AASDHPPT: variants seen among roughly 807,000 people sequenced by gnomAD.
AASDHPPT encodes aminoadipate-semialdehyde dehydrogenase-phosphopantetheinyl transferase, also known as L-aminoadipate-semialdehyde dehydrogenase-phosphopantetheinyl transferase.
In AASDHPPT, 23 loss-of-function variants were observed where a neutral mutation model predicts 36.4. That is an observed-to-expected ratio of 0.63 (90% confidence interval 0.45 to 0.89). The LOEUF is 0.89. Ranked by LOEUF, AASDHPPT falls within the 40% of genes least tolerant of loss-of-function variation. AASDHPPT has a pLI of 0.00. For missense variants in AASDHPPT, 377 were observed against 378.2 expected, an observed-to-expected ratio of 1.00 and a Z score of 0.03; for synonymous variants, 115 against 128.0, an observed-to-expected ratio of 0.90 and a Z score of 0.68.
At chr11:106,084,879 T>C (rs1861181671) in intron 2 of AASDHPPT, among the ~76,000 whole-genome samples, 1 of 152,154 alleles carries the variant, frequency 6.6e-6, no homozygotes, top group South Asian at 2.1e-4. Context: ...CCTCCCAAAG[T>C]GCTGGGATTA....
intron 1 of AASDHPPT, 60 bp downstream of exon 1, chr11:106,077,953 CG>C: frequency 1.3e-6 from 2 of 1,557,974 alleles, no homozygotes; most frequent in Non-Finnish European, 1.7e-6. Context: ...GGAGGCGGGC[CG>C]GGCTGTGGAG....
At chr11:106,089,567 TA>T (rs1364930913) in intron 2 of AASDHPPT, 2 of 152,072 alleles carry the variant, frequency 1.3e-5, no homozygotes, top group Admixed American at 1.3e-4. Context: ...GCTGTAAGTA[TA>T]AAAGGCAAGA....
chr11:106,081,166 T>C (rs891693413), intron 2 of AASDHPPT, among the ~76,000 whole-genome samples: 5 of 152,238 alleles, frequency 3.3e-5, no homozygotes, highest in African/African-American at 1.2e-4. Flanking sequence ...TGTTAGAGTA[T>C]AGGCTTCAGT....
Position 106,077,722 on chromosome 11 carries a change from T to G in AASDHPPT, c.12T>G (p.Pro4=). Residue 4 remains proline, a synonymous_variant, in exon 1 of 6, where the codon CCT becomes CCG. Transcript: ENST00000278618. ...TCCGCTTTCAGTGTATGGTTTTCCC[T>G]GCCAAACGGTTCTGCTTGGTGCCAT... MVF[P]AKRFCLVPSM... 1 of 1,613,772 alleles carries G rather than the reference T, an allele frequency of 6.2e-7. No individual in the cohort carries two copies. Among genetic ancestry groups the G allele is most frequent in the Non-Finnish European group, 8.5e-7 (1 of 1,179,740 alleles).
intron 5 of AASDHPPT, 32 bp downstream of exon 5, chr11:106,094,686 T>C (rs1430402862): frequency 5.3e-6 from 8 of 1,514,590 alleles, no homozygotes; most frequent in Admixed American, 1.9e-5. Context: ...TTTTTCTAAA[T>C]AGCATGAATC....
intron 4 of AASDHPPT, 52 bp from the exon 5 acceptor site, chr11:106,094,531 A>G: frequency 1.5e-6 from 2 of 1,336,272 alleles, no homozygotes. Flanking sequence ...ACAAAGTTAC[A>G]TCTAGGTTTA....
chr11:106,081,873 G>A (rs1861145082), intron 2 of AASDHPPT, among the ~76,000 whole-genome samples: 2 of 151,958 alleles, frequency 1.3e-5, no homozygotes, highest in African/African-American at 2.4e-5. Flanking sequence ...GGGGGAAGGG[G>A]GGAGGGATAG....
At chr11:106,078,523 CTG>C (rs1371087745) in intron 1 of AASDHPPT, among the ~76,000 whole-genome samples, 1 of 152,186 alleles carries the variant, frequency 6.6e-6, no homozygotes, top group Non-Finnish European at 1.5e-5. Flanking sequence ...AACAAGTAAT[CTG>C]TACAATATGG....
At chr11:106,090,072 A>G (rs1861239858) in intron 2 of AASDHPPT, among the ~76,000 whole-genome samples, 1 of 152,042 alleles carries the variant, frequency 6.6e-6, no homozygotes, top group Non-Finnish European at 1.5e-5. Context: ...CAAAAATTGT[A>G]ATAAAAGAAT....
intron 2 of AASDHPPT, among the ~76,000 whole-genome samples, chr11:106,080,283 A>G (rs550388049): frequency 3.3e-5 from 5 of 152,282 alleles, no homozygotes; most frequent in Non-Finnish European, 7.4e-5. Context: ...GCATGCGCAG[A>G]TTTTGGTATC....
At chr11:106,079,748 T>C in intron 2 of AASDHPPT, 56 bp downstream of exon 2, 1 of 1,428,856 alleles carries the variant, frequency 7.0e-7, no homozygotes, top group Admixed American at 1.7e-5. Context: ...TCAGTTCTAT[T>C]GCTATTGAGT....
intron 2 of AASDHPPT, among the ~76,000 whole-genome samples, chr11:106,084,734 A>G (rs1259240654): frequency 6.6e-6 from 1 of 151,938 alleles, no homozygotes; most frequent in Non-Finnish European, 1.5e-5. Context: ...GGTTCAAGCA[A>G]TTCTTTTGCC....
At chr11:106,095,298 G>C (rs896331906) in intron 5 of AASDHPPT, among the ~76,000 whole-genome samples, 1 of 152,124 alleles carries the variant, frequency 6.6e-6, no homozygotes, top group Admixed American at 6.5e-5. Context: ...TTGAATGTAA[G>C]AGTACCACGT....
intron 2 of AASDHPPT, among the ~76,000 whole-genome samples, chr11:106,086,923 T>A (rs1861203880): frequency 6.6e-6 from 1 of 152,182 alleles, no homozygotes; most frequent in East Asian, 1.9e-4. Context: ...AGCCTGAAAA[T>A]AAAAGGCTTC....
intron 4 of AASDHPPT, chr11:106,093,441 GAAAAC>G (rs1861276904): frequency 6.6e-6 from 1 of 152,010 alleles, no homozygotes; most frequent in Non-Finnish European, 1.5e-5. Flanking sequence ...TGTTTAAAGA[GAAAAC>G]AGAACAGGGC....
At chr11:106,079,767 GC>G in intron 2 of AASDHPPT, 75 bp downstream of exon 2, 1 of 1,277,200 alleles carries the variant, frequency 7.8e-7, no homozygotes, top group Non-Finnish European at 1.1e-6. Flanking sequence ...GTAATCTCAG[GC>G]CAGGAGATGT....
At chr11:106,078,771 T>A (rs1354760319) in intron 1 of AASDHPPT, among the ~76,000 whole-genome samples, 1 of 152,228 alleles carries the variant, frequency 6.6e-6, no homozygotes, top group East Asian at 1.9e-4. Context: ...AAGATATTTT[T>A]AAAAATATAT....
rs1565413558 is a variant in AASDHPPT, at chr11:106,097,996, C to T, written c.*1089C>T. 1.3e-5 allele frequency: 2 copies of T among 152,048 alleles called. No individual in the cohort carries two copies. Among genetic ancestry groups the T allele is most frequent in the African/African-American group, 4.8e-5 (2 of 41,416 alleles). The allele number at this position is 152,048 out of a possible 1,614,324, so 9.4% of individuals were successfully genotyped here. Reference sequence around the variant, plus strand: ...TTTGAGTTACATGCTTAATTATGTCCTTGAGAAAGTTTCTAAAAGTGGAAT... The same window carrying T: ...TTTGAGTTACATGCTTAATTATGTCTTTGAGAAAGTTTCTAAAAGTGGAAT... On this transcript the variant is annotated 3_prime_UTR_variant, in exon 6 of 6. Coordinates refer to ENST00000278618, the MANE Select transcript of AASDHPPT (RefSeq NM_015423.3).
chr11:106,077,710 T>A lies in AASDHPPT; in HGVS notation c.-1T>A, dbSNP rs1861070627. The A allele has an allele frequency of 6.2e-7, 1 of 1,612,980 alleles. No individual in the cohort carries two copies. On this transcript the variant is annotated 5_prime_UTR_variant, in exon 1 of 6. Coordinates refer to ENST00000278618, the MANE Select transcript of AASDHPPT (RefSeq NM_015423.3). The stretch of plus-strand genomic sequence containing the variant: ...ATAGCGGCGAGGTCCGCTTTCAGTG[T>A]ATGGTTTTCCCTGCCAAACGGTTCT...
Sources: gnomAD v4.1 joint callset for allele counts (sites outside exome capture counted in the v4.1 genomes callset) on GRCh38, gnomAD v4.1.1 for gene constraint, MANE v1.5 for transcripts, NCBI Gene and HGNC (gene_info 2026-07-23, HGNC 2026-07-21) for gene names.